GEN1: variants seen among roughly 807,000 people sequenced by gnomAD.
The protein encoded by GEN1 is GEN1 structure-specific endonuclease.
A neutral mutation model predicts 67.6 loss-of-function variants in GEN1; 64 were observed. The observed-to-expected ratio is 0.95, with a 90% CI of 0.77 to 1.17. The LOEUF is 1.17. GEN1 is among the 50% of genes most tolerant of loss of function. The pLI is 0.00. For missense variants in GEN1, 1,058 were observed against 1,048.3 expected (o/e 1.01, Z -0.13); for synonymous variants, 371 against 359.4 (o/e 1.03, Z -0.37).
At chr2:17,778,202 A>ATATATGTATACACACATATATG in intron 12 of GEN1, 139 bp downstream of exon 12, 2 of 223,984 alleles carry the variant, frequency 8.9e-6, no homozygotes, top group East Asian at 7.5e-5. Flanking sequence ...ACACACATAT[A>ATATATGTATACACACATATATG]TGTGTATATA....
In GEN1 at chr2:17,787,480, C is replaced by G. The variant is rs549010887; in HGVS notation, c.*5541C>G. On this transcript the variant is annotated 3_prime_UTR_variant, in exon 14 of 14. Coordinates refer to ENST00000381254, the MANE Select transcript of GEN1 (RefSeq NM_001130009.3). The stretch of plus-strand genomic sequence containing the variant: ...AAAGTCTTCTGTTGCTTCTCTGGAT[C>G]GCTGCTAGTCCCCATAGACTTCTAA... The G allele has an allele frequency of 6.6e-6, 1 of 152,216 alleles. No individual in the cohort carries two copies. Among genetic ancestry groups the G allele is most frequent in the Admixed American group, 6.5e-5 (1 of 15,290 alleles). The allele number at this position is 152,216 out of a possible 1,614,324, so 9.4% of individuals were successfully genotyped here.
chr2:17,770,978 C>T (rs1175445245), intron 6 of GEN1: 1 of 595,374 alleles, frequency 1.7e-6, no homozygotes, highest in South Asian at 1.5e-5. Flanking sequence ...CACATATACT[C>T]TCTCTCCTGT....
chr2:17,778,817 TTTA>T (rs1395731341), intron 12 of GEN1, among the ~76,000 whole-genome samples: 1 of 152,142 alleles, frequency 6.6e-6, no homozygotes, highest in African/African-American at 2.4e-5. Context: ...GTGGGAATTT[TTTA>T]TTGTCAAATT....
chr2:17,761,085 A>T (rs1277652567), intron 2 of GEN1, among the ~76,000 whole-genome samples: 1 of 151,998 alleles, frequency 6.6e-6, no homozygotes, highest in Non-Finnish European at 1.5e-5. Flanking sequence ...ACAGAAAATT[A>T]GCCGGGCATG....
chr2:17,756,147 C>T (rs13433067), intron 1 of GEN1, among the ~76,000 whole-genome samples: 5,595 of 152,010 alleles, frequency 0.037, 304 homozygotes, highest in African/African-American at 0.11. Flanking sequence ...TTTTGTAGAA[C>T]GGTTAAATGT....
chr2:17,765,037 C>A lies in GEN1; in HGVS notation c.489C>A (p.Ala163=). The change falls in exon 4 of 14, where the codon GCC becomes GCA. Residue 163 remains alanine, a synonymous_variant. Transcript: ENST00000381254. ...TNDGDTFLYG[A]QTVYRNFTMN... Reference sequence around the variant, plus strand: ...ATGGAGATACTTTCCTTTATGGGGCCCAGACTGTTTACAGGAATTTCACTA... The same window carrying A: ...ATGGAGATACTTTCCTTTATGGGGCACAGACTGTTTACAGGAATTTCACTA... 1 of 1,614,002 alleles carries A rather than the reference C, an allele frequency of 6.2e-7. No individual in the cohort carries two copies. The highest frequency in any genetic ancestry group is 1.1e-5 in the South Asian group (1 of 91,078).
intron 7 of GEN1, 29 bp from the exon 8 acceptor site, chr2:17,772,604 AT>A: frequency 6.4e-7 from 1 of 1,569,324 alleles, no homozygotes; most frequent in East Asian, 2.2e-5. Flanking sequence ...AAGGCAAAAA[AT>A]ATTATACTTT....
At chr2:17,778,223 CACACATATATGTGTGTACATATATGTAT>C (rs1672567219) in intron 12 of GEN1, among the ~76,000 whole-genome samples, 160 bp downstream of exon 12, 1 of 147,426 alleles carries the variant, frequency 6.8e-6, no homozygotes, top group African/African-American at 2.5e-5. Flanking sequence ...TATGTATACA[CACACATATATGTGTGTACATATATGTAT>C]ACACACATAT....
At chr2:17,769,370 G>A (rs1205206264) in intron 6 of GEN1, among the ~76,000 whole-genome samples, 1 of 152,042 alleles carries the variant, frequency 6.6e-6, no homozygotes, top group East Asian at 1.9e-4. Context: ...GAGCCACGGT[G>A]CCCAGCCACC....
intron 10 of GEN1, among the ~76,000 whole-genome samples, 198 bp from the exon 11 acceptor site, chr2:17,774,073 G>A (rs564264734): frequency 7.9e-5 from 12 of 152,098 alleles, no homozygotes; most frequent in African/African-American, 2.2e-4. Flanking sequence ...TCATCCTGGC[G>A]TTCAAACCGA....
In GEN1 at chr2:17,780,943, A is replaced by G; in HGVS notation, c.1731A>G (p.Ile577Met). The G allele has an allele frequency of 1.9e-6, 3 of 1,598,652 alleles. No individual in the cohort carries two copies. The highest frequency in any genetic ancestry group is 2.6e-6 in the Non-Finnish European group (3 of 1,173,038). The change falls in exon 14 of 14, where the codon ATA becomes ATG. Residue 577 changes from isoleucine to methionine, a missense_variant. Coordinates refer to ENST00000381254, the MANE Select transcript of GEN1 (RefSeq NM_001130009.3). Reference sequence around the variant, plus strand: ...AACCCAATACCTCATCTCATAATATATCCGTGATTGCTGATCTACACTTGA... The same window carrying G: ...AACCCAATACCTCATCTCATAATATGTCCGTGATTGCTGATCTACACTTGA... ...SSQPNTSSHN[I>M]SVIADLHLST...
chr2:17,786,763 T>C lies in GEN1; in HGVS notation c.*4824T>C, dbSNP rs927558267. ...GTTCAGGGTTTTTTTTTTCATTGTTTCCCAAACTAGAATGCAGACTTGATG... is the reference window on the plus strand; with the variant it reads ...GTTCAGGGTTTTTTTTTTCATTGTTCCCCAAACTAGAATGCAGACTTGATG... On this transcript the variant is annotated 3_prime_UTR_variant, in exon 14 of 14. Transcript: ENST00000381254. 2 of 152,168 alleles carry C rather than the reference T, an allele frequency of 1.3e-5. No individual in the cohort carries two copies. Among genetic ancestry groups the C allele is most frequent in the African/African-American group, 4.8e-5 (2 of 41,438 alleles). 9.4% of individuals were successfully genotyped at this position (152,168 alleles called of 1,614,324 possible).
chr2:17,780,680 C>A lies in GEN1; in HGVS notation c.1468C>A (p.His490Asn), dbSNP rs1247649774. 1.2e-6 allele frequency: 2 copies of A among 1,613,342 alleles called. No homozygotes were observed. Among genetic ancestry groups the A allele is most frequent in the Admixed American group, 1.7e-5 (1 of 59,962 alleles). ...AGATGAAGTAATGAGCTTTCAGTCA[C>A]ACATGACTTTAAAACCCACATGTGA... ...EPDEVMSFQS[H>N]MTLKPTCEIF... Residue 490 changes from histidine (H) to asparagine (N), a missense_variant, in exon 14 of 14, where the codon CAC (histidine) becomes AAC (asparagine). Physicochemically the swap from His to Asn is moderately conservative, Grantham distance 68. Coordinates refer to ENST00000381254, the MANE Select transcript of GEN1 (RefSeq NM_001130009.3).
intron 1 of GEN1, among the ~76,000 whole-genome samples, chr2:17,756,416 G>GAT (rs1553325885): frequency 1.3e-5 from 2 of 152,018 alleles, no homozygotes; most frequent in Non-Finnish European, 2.9e-5. Context: ...GACTTCTTTT[G>GAT]ATATATATAT....
intron 1 of GEN1, 96 bp from the exon 2 acceptor site, chr2:17,759,833 A>T (rs1161656149): frequency 1.9e-6 from 2 of 1,033,270 alleles, no homozygotes; most frequent in African/African-American, 3.2e-5. Flanking sequence ...ATCCTCTATG[A>T]ATTATCCTGA....
intron 4 of GEN1, 176 bp downstream of exon 4, chr2:17,765,249 A>G (rs1006472311): frequency 8.9e-6 from 5 of 563,738 alleles, no homozygotes; most frequent in Non-Finnish European, 1.2e-5. Context: ...TCTCTTCAAA[A>G]TGTGGATTTA....
intron 1 of GEN1, among the ~76,000 whole-genome samples, chr2:17,755,980 A>G (rs80021717): frequency 6.6e-6 from 1 of 152,226 alleles, no homozygotes; most frequent in East Asian, 1.9e-4. Context: ...GTCCTTTAAG[A>G]TGGAAATTTA....
chr2:17,760,348 A>C (rs909884664), intron 2 of GEN1, among the ~76,000 whole-genome samples: 2 of 152,204 alleles, frequency 1.3e-5, no homozygotes, highest in African/African-American at 4.8e-5. Flanking sequence ...GATGCTTCAG[A>C]TACTAAAAGC....
chr2:17,763,723 A>G (rs532776508), intron 3 of GEN1, among the ~76,000 whole-genome samples: 1 of 152,362 alleles, frequency 6.6e-6, no homozygotes, highest in South Asian at 2.1e-4. Flanking sequence ...CTGTATTATG[A>G]AAGGCTATTT....
Sources: gnomAD v4.1 joint callset for allele counts (sites outside exome capture counted in the v4.1 genomes callset) on GRCh38, gnomAD v4.1.1 for gene constraint, MANE v1.5 for transcripts, NCBI Gene and HGNC (gene_info 2026-07-23, HGNC 2026-07-21) for gene names.